KLHL30: variants seen among roughly 807,000 people sequenced by gnomAD.
The protein encoded by KLHL30 is kelch-like protein 30.
In KLHL30, 55 loss-of-function variants were observed where a neutral mutation model predicts 55.0. That is an observed-to-expected ratio of 1.00 (90% CI 0.80 to 1.25). The LOEUF (loss-of-function observed/expected upper bound fraction) is 1.25. KLHL30 is among the 50% of genes most tolerant of loss of function. The pLI, the probability that KLHL30 is intolerant of heterozygous loss-of-function variation, is 0.00. For synonymous variants in KLHL30, 356 were observed against 372.6 expected (o/e 0.96, Z 0.51); for missense variants, 786 against 811.6 (o/e 0.97, Z 0.38).
At chr2:238,146,769 C>G (rs1194969716) in intron 5 of KLHL30, among the ~76,000 whole-genome samples, 1 of 151,850 alleles carries the variant, frequency 6.6e-6, no homozygotes, top group African/African-American at 2.4e-5. Flanking sequence ...CACCTGTAAT[C>G]TCAGCACTTT....
intron 3 of KLHL30, 52 bp from the exon 4 acceptor site, chr2:238,144,850 C>A: frequency 1.4e-6 from 2 of 1,405,002 alleles, no homozygotes; most frequent in Non-Finnish European, 9.9e-7. Context: ...GTGGGGACCA[C>A]CCCAGCAGGG....
Position 238,152,829 on chromosome 2 carries a change from A to G in KLHL30, c.*1764A>G, listed in dbSNP as rs1291743508. 1 of 152,234 alleles carries G rather than the reference A, an allele frequency of 6.6e-6. No homozygotes were observed. The highest frequency in any genetic ancestry group is 1.5e-5 in the Non-Finnish European group (1 of 68,036). 9.4% of individuals were successfully genotyped at this position (152,234 alleles called of 1,614,324 possible). On this transcript the variant is annotated 3_prime_UTR_variant, in exon 8 of 8. Coordinates refer to ENST00000409223, the MANE Select transcript of KLHL30 (RefSeq NM_198582.4). ...TGTGGAAATCTGAAATGTTTTCTAG[A>G]CAGTGATGGAAGGAGGTCAGCCAAA... is the stretch of plus-strand genomic sequence containing the variant.
intron 2 of KLHL30, 39 bp downstream of exon 2, chr2:238,141,567 G>A (rs2106310863): frequency 1.4e-6 from 2 of 1,431,808 alleles, no homozygotes; most frequent in South Asian, 3.0e-5. Context: ...CTGGGAAGCA[G>A]GGAGGAGAGC....
intron 1 of KLHL30, among the ~76,000 whole-genome samples, chr2:238,140,367 T>C (rs536939437): frequency 6.6e-6 from 1 of 152,266 alleles, no homozygotes; most frequent in East Asian, 1.9e-4. Context: ...GTGGGCTCAG[T>C]GTAGCCCAGG....
At chr2:238,141,971 A>T (rs1054307097) in intron 2 of KLHL30, among the ~76,000 whole-genome samples, 1 of 152,236 alleles carries the variant, frequency 6.6e-6, no homozygotes, top group Admixed American at 6.5e-5. Flanking sequence ...GGGGAAAACC[A>T]TCCAGGAAGG....
Position 238,151,800 on chromosome 2 carries a change from G to A in KLHL30, c.*735G>A. 1 of 834,040 alleles carries A rather than the reference G, an allele frequency of 1.2e-6. No individual in the cohort carries two copies. The highest frequency in any genetic ancestry group is 1.8e-5 in the African/African-American group (1 of 54,306). The allele number at this position is 834,040 out of a possible 1,614,324, so 51.7% of individuals were successfully genotyped here. On this transcript the variant is annotated 3_prime_UTR_variant, in exon 8 of 8. Transcript: ENST00000409223. Reference sequence around the variant, plus strand: ...GGGCTGGAGGGTCCCAGGGAGGTGAGCAGTTTTGCTCTCAGAAGGGATTGC... The same window carrying A: ...GGGCTGGAGGGTCCCAGGGAGGTGAACAGTTTTGCTCTCAGAAGGGATTGC...
At chr2:238,148,179 A>T (rs898977252) in intron 6 of KLHL30, among the ~76,000 whole-genome samples, 157 bp downstream of exon 6, 1 of 151,920 alleles carries the variant, frequency 6.6e-6, no homozygotes, top group Non-Finnish European at 1.5e-5. Context: ...AGAGGAGGGG[A>T]TGTGGAGGAA....
chr2:238,144,428 A>AGGCAGGCAGGCAGGC (rs1559276019), intron 3 of KLHL30, among the ~76,000 whole-genome samples: 62 of 76,916 alleles, frequency 8.1e-4, no homozygotes, highest in Non-Finnish European at 1.5e-3. Context: ...GGAAGGAAGG[A>AGGCAGGCAGGCAGGC]AGGAAGGCAG....
In KLHL30 at chr2:238,144,423, G is replaced by GC. The variant is rs1363999051; in HGVS notation, c.908-479_908-478insC. On this transcript the variant is annotated intron_variant, in intron 3 of 7. Transcript: ENST00000409223. ...GGAAGGAAGGAAGGAAGGAAGGAAG[G>GC]AAGGAAGGAAGGCAGGCAGGCAGGC... 8.2e-3 allele frequency among the ~76,000 whole-genome samples: 866 copies of GC among 105,628 alleles called. 7 individuals carry two copies. Among genetic ancestry groups the GC allele is most frequent in the African/African-American group, 0.013 (349 of 27,540 alleles). The allele number at this position is 105,628 out of a possible 152,430, so 69.3% of individuals were successfully genotyped here. A position where few individuals can be genotyped will look rare whatever the true frequency, so the allele number is the denominator to read the frequency against.
intron 7 of KLHL30, among the ~76,000 whole-genome samples, chr2:238,149,568 G>C (rs1400305804): frequency 6.6e-6 from 1 of 152,224 alleles, no homozygotes; most frequent in African/African-American, 2.4e-5. Context: ...CTGGTGCTCT[G>C]TCCCTGCACA....
chr2:238,151,257 A>G lies in KLHL30; in HGVS notation c.*192A>G. On this transcript the variant is annotated 3_prime_UTR_variant, in exon 8 of 8. Coordinates refer to ENST00000409223, the MANE Select transcript of KLHL30 (RefSeq NM_198582.4). ...TTGGTCTCTGTGGCCACCACACTAA[A>G]CTCTGAGCTGAGCAGTGACAAGGGC... is the stretch of plus-strand genomic sequence containing the variant. 1.3e-6 allele frequency: 1 copy of G among 761,754 alleles called. No individual in the cohort carries two copies. Among genetic ancestry groups the G allele is most frequent in the South Asian group, 1.9e-5 (1 of 52,686 alleles). The allele number at this position is 761,754 out of a possible 1,614,324, so 47.2% of individuals were successfully genotyped here. A position where few individuals can be genotyped will look rare whatever the true frequency, so the allele number is the denominator to read the frequency against.
At chr2:238,144,851 C>A (rs1692618897) in intron 3 of KLHL30, 51 bp from the exon 4 acceptor site, 3 of 1,409,092 alleles carry the variant, frequency 2.1e-6, no homozygotes, top group Non-Finnish European at 3.0e-6. Flanking sequence ...TGGGGACCAC[C>A]CCAGCAGGGA....
chr2:238,151,509 T>TAC lies in KLHL30; in HGVS notation c.*444_*445insAC. On this transcript the variant is annotated 3_prime_UTR_variant, in exon 8 of 8. Coordinates refer to ENST00000409223, the MANE Select transcript of KLHL30 (RefSeq NM_198582.4). The stretch of plus-strand genomic sequence containing the variant: ...TGCTGGGGAAGGCAGGCCCCGGAGA[T>TAC]GGGATCAGCACCAGGTCCTCGTGGG... The TAC allele has an allele frequency of 9.6e-6, 2 of 208,964 alleles. No homozygotes were observed. Among genetic ancestry groups the TAC allele is most frequent in the East Asian group, 1.2e-4 (1 of 8,046 alleles). The allele number at this position is 208,964 out of a possible 1,614,324, so 12.9% of individuals were successfully genotyped here.
chr2:238,146,840 T>G (rs1299659479), intron 5 of KLHL30, among the ~76,000 whole-genome samples: 6 of 151,400 alleles, frequency 4.0e-5, no homozygotes, highest in African/African-American at 1.2e-4. Flanking sequence ...GCCAACATGG[T>G]GAAACCCCGT....
intron 7 of KLHL30, among the ~76,000 whole-genome samples, chr2:238,150,563 C>T (rs1692735522): frequency 1.3e-5 from 2 of 152,142 alleles, no homozygotes; most frequent in Non-Finnish European, 1.5e-5. Context: ...CCTCTGACTG[C>T]AGGGGTTGGA....
intron 3 of KLHL30, among the ~76,000 whole-genome samples, chr2:238,143,890 G>C (rs1039739593): frequency 6.6e-6 from 1 of 152,246 alleles, no homozygotes; most frequent in Non-Finnish European, 1.5e-5. Context: ...GCCAGGCTCT[G>C]CTCCCAGGGA....
chr2:238,148,388 C>T (rs1180717292), intron 6 of KLHL30, among the ~76,000 whole-genome samples: 5 of 152,172 alleles, frequency 3.3e-5, no homozygotes, highest in Middle Eastern at 3.2e-3. Context: ...CCTCACGGGC[C>T]GGGAGTGGTG....
At position 238,147,876 on chromosome 2, in the gene KLHL30, AC is replaced by A. The variant is rs928968981; in HGVS notation, c.1194del (p.Tyr398Ter). ...GTGGAGGTGGAGAGCTATGACCCCT[AC>A]ACGGACAGCTGGACGCCCGTCAGCC... The part of the protein sequence containing the change: ...DVVEVESYDP[Y>X]TDSWTPVSPA... On this transcript the variant is annotated frameshift_variant, in exon 6 of 8. Coordinates refer to ENST00000409223, the MANE Select transcript of KLHL30 (RefSeq NM_198582.4). LOFTEE classifies it high-confidence loss of function. This position sits in a 1 kb window ranked among gnomAD's most constrained non-coding sequence, Gnocchi z 5.8. 17 of 1,594,636 alleles carry A rather than the reference AC, an allele frequency of 1.1e-5. No homozygotes were observed. Among genetic ancestry groups the A allele is most frequent in the Non-Finnish European group, 1.4e-5 (16 of 1,169,928 alleles).
At chr2:238,149,214 C>A in intron 7 of KLHL30, 62 bp downstream of exon 7, 1 of 1,592,300 alleles carries the variant, frequency 6.3e-7, no homozygotes, top group South Asian at 1.1e-5. Flanking sequence ...CATCAGAGAG[C>A]CAGCCTGGGA....
Sources: allele counts gnomAD v4.1 joint callset (sites outside exome capture counted in the v4.1 genomes callset), GRCh38; gene constraint gnomAD v4.1.1; non-coding constraint Gnocchi (gnomAD v3.1); transcripts MANE v1.5; gene names NCBI Gene and HGNC (gene_info 2026-07-23, HGNC 2026-07-21).